Variants in BRI3 observed in about 807,000 individuals in gnomAD.
The protein encoded by BRI3 is brain protein I3, also known as membrane protein BRI3.
Under a neutral mutation model 12.8 loss-of-function variants are expected in BRI3, and 6 were observed. The observed-to-expected ratio is 0.47, with a 90% CI of 0.26 to 0.93. The LOEUF (loss-of-function observed/expected upper bound fraction) is 0.93, where lower values mean the gene tolerates loss of function less well. Among genes scored for constraint, BRI3 ranks in the 40% least tolerant of loss-of-function variants. The pLI, the probability that BRI3 is intolerant of heterozygous loss-of-function variation, is 0.15. For missense variants in BRI3, 134 were observed against 171.1 expected (o/e 0.78, Z 1.21); for synonymous variants, 91 against 76.1 (o/e 1.20, Z -1.02).
downstream of BRI3, among the ~76,000 whole-genome samples, chr7:98,294,541 G>A (rs1439581847): frequency 5.9e-5 from 9 of 152,264 alleles, no homozygotes; most frequent in African/African-American, 2.2e-4. Flanking sequence ...TGCTAAACTC[G>A]GAAACAGTTT....
chr7:98,293,144 T>C, downstream of BRI3: 1 of 339,276 alleles, frequency 2.9e-6, no homozygotes, highest in Non-Finnish European at 4.6e-6. Context: ...AAAATAAAAC[T>C]GGTCTCATTC....
Position 98,308,099 on chromosome 7 carries a change from C to T in BRI3, n.729C>T, listed in dbSNP as rs751014889. 2.5e-5 allele frequency: 17 copies of T among 688,944 alleles called. No homozygotes were observed. The East Asian group carries it at 4.2e-4, about 17-fold the overall frequency. The allele number at this position is 688,944 out of a possible 1,614,324, so 42.7% of individuals were successfully genotyped here. On this transcript the variant is annotated non_coding_transcript_exon_variant, in exon 2 of 2. Transcript: ENST00000485422. ...TTGAGAAACAGAGGCAGCGTGCAGC[C>T]TGAAGGCATGCACCGTGCAGAAGAG...
chr7:98,290,552 G>A (rs1019958553), intron 2 of BRI3, among the ~76,000 whole-genome samples: 1 of 151,864 alleles, frequency 6.6e-6, no homozygotes, highest in African/African-American at 2.4e-5. Flanking sequence ...AGCCTGGAGT[G>A]TAGTGGCTTA....
chr7:98,316,871 T>TC, the BRI3 span, among the ~76,000 whole-genome samples: 6 of 152,086 alleles, frequency 3.9e-5, no homozygotes, highest in Admixed American at 1.3e-4. Flanking sequence ...TCAAAACTTT[T>TC]TTTTTTTTTT....
At chr7:98,298,913 C>T (rs2116808503) in intron 1 of BRI3, among the ~76,000 whole-genome samples, 1 of 152,228 alleles carries the variant, frequency 6.6e-6, no homozygotes, top group South Asian at 2.1e-4. Flanking sequence ...ACAATGACAG[C>T]TCACTGCAGC....
In BRI3 at chr7:98,291,356, G is replaced by C; in HGVS notation, c.*113G>C. ...AGGACTGTTTTGTAAAGCGAGGTGGGACCGATGTGGCACACGCCAGCTGCG... is the reference window on the plus strand; with the variant it reads ...AGGACTGTTTTGTAAAGCGAGGTGGCACCGATGTGGCACACGCCAGCTGCG... On this transcript the variant is annotated 3_prime_UTR_variant, in exon 3 of 3. Transcript: ENST00000297290. The C allele has an allele frequency of 1.3e-6, 2 of 1,523,692 alleles. No individual in the cohort carries two copies. The highest frequency in any genetic ancestry group is 8.8e-7 in the Non-Finnish European group (1 of 1,134,822). 94.4% of individuals were successfully genotyped at this position (1,523,692 alleles called of 1,614,324 possible). A position where few individuals can be genotyped will look rare whatever the true frequency, so the allele number is the denominator to read the frequency against.
At chr7:98,320,169 T>G in the BRI3 span, 8 of 1,594,586 alleles carry the variant, frequency 5.0e-6, no homozygotes, top group Non-Finnish European at 4.3e-6. Flanking sequence ...AGGTTTGAGA[T>G]TTTAAGCAAA....
chr7:98,285,483 CGTCCTGACAGTCTT>C (rs2116710089), intron 2 of BRI3, among the ~76,000 whole-genome samples: 1 of 152,284 alleles, frequency 6.6e-6, no homozygotes, highest in East Asian at 1.9e-4. Context: ...GGGCTGTCCC[CGTCCTGACAGTCTT>C]GGCCTGAGGT....
chr7:98,299,201 T>C (rs1800316210), intron 1 of BRI3, among the ~76,000 whole-genome samples: 1 of 151,988 alleles, frequency 6.6e-6, no homozygotes, highest in Non-Finnish European at 1.5e-5. Flanking sequence ...GTATTTTTAG[T>C]AGAGACAGGG....
the BRI3 span, among the ~76,000 whole-genome samples, chr7:98,319,329 T>C: frequency 3.3e-5 from 5 of 152,268 alleles, no homozygotes; most frequent in East Asian, 7.7e-4. Context: ...AGGGGCGCCA[T>C]GCAGGAGCGG....
At chr7:98,308,497 C>T (rs1800749694) in exon 2 of BRI3, 4 of 363,312 alleles carry the variant, frequency 1.1e-5, no homozygotes, top group South Asian at 8.2e-5. Flanking sequence ...GAAGGTGCTG[C>T]TATTTATTAT....
downstream of BRI3, chr7:98,293,512 G>C (rs998413293): frequency 6.2e-7 from 1 of 1,611,828 alleles, no homozygotes; most frequent in Non-Finnish European, 8.5e-7. Context: ...AGAGTCCTTG[G>C]CTGTCCTCTC....
the BRI3 span, chr7:98,315,701 T>C: frequency 1.8e-6 from 1 of 567,624 alleles, no homozygotes; most frequent in Admixed American, 4.6e-5. Flanking sequence ...TCTTCTGCCA[T>C]CTTTACACCT....
At chr7:98,284,394 C>T (rs1201784745) in intron 2 of BRI3, among the ~76,000 whole-genome samples, 1 of 152,178 alleles carries the variant, frequency 6.6e-6, no homozygotes, top group Non-Finnish European at 1.5e-5. Context: ...GGCCCCTGTG[C>T]CCTGTGGCAG....
chr7:98,312,397 C>T (rs955842194), downstream of BRI3: 12 of 949,582 alleles, frequency 1.3e-5, no homozygotes, highest in African/African-American at 5.0e-5. Context: ...GGGTTAAACT[C>T]GGTGAGCACT....
intron 2 of BRI3, among the ~76,000 whole-genome samples, chr7:98,286,353 T>G (rs892021653): frequency 2.0e-4 from 31 of 152,238 alleles, no homozygotes; most frequent in African/African-American, 7.0e-4. Flanking sequence ...GACTGGCCAC[T>G]TTCACTGCAG....
At chr7:98,308,117 C>T in exon 2 of BRI3, 1 of 671,514 alleles carries the variant, frequency 1.5e-6, no homozygotes, top group South Asian at 1.5e-5. Flanking sequence ...ATGCACCGTG[C>T]AGAAGAGGAT....
chr7:98,305,368 T>C (rs1800615661), upstream of BRI3, among the ~76,000 whole-genome samples: 3 of 151,000 alleles, frequency 2.0e-5, no homozygotes, highest in South Asian at 6.3e-4. Context: ...ATCCTAAAAG[T>C]GTTACTCAGT....
At chr7:98,303,737 G>C (rs1166701273), upstream of BRI3, among the ~76,000 whole-genome samples, 5 of 152,154 alleles carry the variant, frequency 3.3e-5, no homozygotes, top group Non-Finnish European at 7.3e-5. Flanking sequence ...AACCCTAAAC[G>C]CCGTGCCTAG....
Sources: allele counts gnomAD v4.1 joint callset (sites outside exome capture counted in the v4.1 genomes callset), GRCh38; gene constraint gnomAD v4.1.1; transcripts MANE v1.5; gene names NCBI Gene and HGNC (gene_info 2026-07-23, HGNC 2026-07-21).